The following LTF variants were observed in gnomAD, a reference collection of about 807,000 sequenced individuals.
The protein encoded by LTF is epididymis luminal protein 110.
LTF carries 91 observed loss-of-function variants against 87.2 expected under a neutral mutation model. That is an observed-to-expected ratio of 1.04 (90% CI 0.88 to 1.24). The LOEUF is 1.24. Ranked by LOEUF, LTF falls within the 50% of genes most tolerant of loss-of-function variation. The pLI, the probability that LTF is intolerant of heterozygous loss-of-function variation, is 0.00. For missense variants in LTF, 901 were observed against 904.3 expected (o/e 1.00, Z 0.05); for synonymous variants, 378 against 356.1 (o/e 1.06, Z -0.69).
At chr3:46,443,084 C>A (rs764413179) in intron 13 of LTF, among the ~76,000 whole-genome samples, 1 of 152,110 alleles carries the variant, frequency 6.6e-6, no homozygotes, top group Non-Finnish European at 1.5e-5. Context: ...AAAGGGGCGG[C>A]GATGGGAAAG....
Position 46,449,035 on chromosome 3 carries a change from G to T in LTF, c.1058-18C>A. On this transcript the variant is annotated intron_variant, in intron 8 of 16. Coordinates refer to ENST00000231751, the MANE Select transcript of LTF (RefSeq NM_002343.6). ...CTCCTCACCTGCCAGAGGGAAGACC[G>T]CAGGTGGCTGGGCAACCTGAGCTTT... is the stretch of plus-strand genomic sequence containing the variant. 1 of 1,593,366 alleles carries T rather than the reference G, an allele frequency of 6.3e-7. No individual in the cohort carries two copies. Among genetic ancestry groups the T allele is most frequent in the Non-Finnish European group, 8.5e-7 (1 of 1,171,330 alleles).
rs779768562 is a variant in LTF, at chr3:46,455,318, G to A, written c.624C>T (p.Tyr208=). 2.5e-6 allele frequency: 4 copies of A among 1,614,146 alleles called. No homozygotes were observed. The highest frequency in any genetic ancestry group is 1.7e-6 in the Non-Finnish European group (2 of 1,180,050). ...ACTTGAAGGCACCAGAGTAGCTGAA[G>A]TACGGTTCCTGGGAGGAGAAGGCAC... is the stretch of plus-strand genomic sequence containing the variant. ...NKCAFSSQEP[Y]FSYSGAFKCL... is the part of the protein sequence containing the mutation. Residue 208 remains tyrosine, a synonymous_variant, in exon 5 of 17, where the codon TAC becomes TAT. Transcript: ENST00000231751.
At chr3:46,441,630 G>A (rs890128550) in intron 13 of LTF, 147 bp from the exon 14 acceptor site, 13 of 634,680 alleles carry the variant, frequency 2.0e-5, no homozygotes, top group African/African-American at 5.6e-5. Context: ...TGTTTACAGC[G>A]GCAGATTGAA....
intron 1 of LTF, among the ~76,000 whole-genome samples, chr3:46,480,428 T>C (rs1703417454): frequency 3.9e-5 from 6 of 152,178 alleles, no homozygotes; most frequent in Admixed American, 3.9e-4. Context: ...TGGATTGTCA[T>C]GCCCTTGGCT....
At chr3:46,458,562 C>T (rs1374056887) in intron 2 of LTF, among the ~76,000 whole-genome samples, 1 of 152,064 alleles carries the variant, frequency 6.6e-6, no homozygotes, top group Admixed American at 6.5e-5. Context: ...GATGCTGGTG[C>T]TGGTTTTTTG....
intron 10 of LTF, 67 bp downstream of exon 10, chr3:46,447,241 G>C: frequency 9.2e-7 from 1 of 1,090,502 alleles, no homozygotes; most frequent in Admixed American, 1.7e-5. Context: ...TTCACCGAAT[G>C]GGATTACTCA....
At chr3:46,470,021 C>G (rs1176551598) in intron 2 of LTF, among the ~76,000 whole-genome samples, 2 of 152,204 alleles carry the variant, frequency 1.3e-5, no homozygotes, top group Non-Finnish European at 2.9e-5. Context: ...CCTCTCCTCA[C>G]AGGGACAGCC....
intron 14 of LTF, among the ~76,000 whole-genome samples, chr3:46,441,194 A>T (rs111911383): frequency 7.9e-6 from 1 of 126,374 alleles, no homozygotes. Context: ...TGTGTGTGTG[A>T]GAGAAAGAGA....
At chr3:46,477,626 G>T (rs1257955506) in intron 1 of LTF, among the ~76,000 whole-genome samples, 3 of 152,206 alleles carry the variant, frequency 2.0e-5, no homozygotes, top group Non-Finnish European at 4.4e-5. Flanking sequence ...AGAACTTAAT[G>T]AAGTAACTTA....
At chr3:46,477,403 C>T (rs1041816454) in intron 1 of LTF, among the ~76,000 whole-genome samples, 9 of 152,184 alleles carry the variant, frequency 5.9e-5, no homozygotes, top group South Asian at 2.1e-4. Flanking sequence ...GCATTCTAGG[C>T]GACTCCCTTG....
At position 46,449,030 on chromosome 3, in the gene LTF, A is replaced by G. The variant is rs552198667; in HGVS notation, c.1058-13T>C. The G allele has an allele frequency of 1.8e-5, 29 of 1,601,412 alleles. No homozygotes were observed. The African/African-American group carries it at 2.8e-4, about 16-fold the overall frequency. On this transcript the variant is annotated splice_polypyrimidine_tract_variant and intron_variant, in intron 8 of 16. Transcript: ENST00000231751. ...ACTTCCTCCTCACCTGCCAGAGGGA[A>G]GACCGCAGGTGGCTGGGCAACCTGA...
At chr3:46,454,282 A>C (rs565485192) in intron 6 of LTF, 23 bp downstream of exon 6, 12 of 1,612,244 alleles carry the variant, frequency 7.4e-6, no homozygotes, top group Non-Finnish European at 1.0e-5. Flanking sequence ...GTCAGTACCC[A>C]CGGCTCATTA....
intron 5 of LTF, among the ~76,000 whole-genome samples, 192 bp from the exon 6 acceptor site, chr3:46,454,552 T>C (rs1261661818): frequency 6.6e-6 from 1 of 152,234 alleles, no homozygotes. Flanking sequence ...ACTCAGGTGC[T>C]AGCCAGAGGC....
chr3:46,448,836 G>A (rs534883239), intron 9 of LTF, 27 bp downstream of exon 9: 35 of 1,607,910 alleles, frequency 2.2e-5, no homozygotes, highest in Admixed American at 1.7e-4. Context: ...CGGGCCCACC[G>A]CCCGCCCCTG....
intron 1 of LTF, chr3:46,460,686 T>C (rs527809247): frequency 1.5e-4 from 67 of 432,756 alleles, no homozygotes; most frequent in South Asian, 1.1e-3. Flanking sequence ...CACTCAACTC[T>C]TCTATTCAAC....
At chr3:46,476,045 C>T (rs926013904) in intron 1 of LTF, among the ~76,000 whole-genome samples, 1 of 152,064 alleles carries the variant, frequency 6.6e-6, no homozygotes, top group Non-Finnish European at 1.5e-5. Flanking sequence ...GTAATAATTG[C>T]TAGTATTAGA....
rs770672407 is a variant in LTF, at chr3:46,438,107, G to A, written c.1931C>T (p.Ser644Phe). The A allele has an allele frequency of 6.2e-7, 1 of 1,613,316 alleles. No individual in the cohort carries two copies. The highest frequency in any genetic ancestry group is 1.7e-5 in the Admixed American group (1 of 59,686). Residue 644 changes from serine to phenylalanine, a missense_variant, in exon 16 of 17, where the codon TCT becomes TTT. Ser to Phe is a radical substitution (Grantham distance 155). Coordinates refer to ENST00000231751, the MANE Select transcript of LTF (RefSeq NM_002343.6). ...TAAGCAAAACTTGTCCGGGCAGTCA[G>A]ATCCATTTCTCCCAAATTTAGCCTG... is the stretch of plus-strand genomic sequence containing the variant. ...HQQAKFGRNG[S>F]DCPDKFCLFQ...
In LTF at chr3:46,450,483, G is replaced by A; in HGVS notation, c.882+12C>T. On this transcript the variant is annotated intron_variant, in intron 7 of 16. Transcript: ENST00000231751. The stretch of plus-strand genomic sequence containing the variant: ...TATCCAAGCAAGTGGGGAGGACCGT[G>A]GGTGAAGATACCTGTGCCTGGCGGA... The A allele has an allele frequency of 6.2e-7, 1 of 1,602,818 alleles. No individual in the cohort carries two copies. Among genetic ancestry groups the A allele is most frequent in the Non-Finnish European group, 8.5e-7 (1 of 1,174,362 alleles).
At chr3:46,462,979 C>T (rs188048862) in intron 1 of LTF, among the ~76,000 whole-genome samples, 3 of 152,196 alleles carry the variant, frequency 2.0e-5, no homozygotes, top group South Asian at 2.1e-4. Context: ...ACTAAAGGAC[C>T]GCTGAGCTCC....
Sources: allele counts gnomAD v4.1 joint callset (sites outside exome capture counted in the v4.1 genomes callset), GRCh38; gene constraint gnomAD v4.1.1; transcripts MANE v1.5; gene names NCBI Gene and HGNC (gene_info 2026-07-23, HGNC 2026-07-21).